ADAMTS2: variants seen among roughly 807,000 people sequenced by gnomAD.
The protein encoded by ADAMTS2 is ADAM metallopeptidase with thrombospondin type 1 motif 2, also known as A disintegrin and metalloproteinase with thrombospondin motifs 2.
A neutral mutation model predicts 123.0 loss-of-function variants in ADAMTS2; 50 were observed. The ratio of observed to expected loss-of-function variants is 0.41; its 90% CI spans 0.32 to 0.51. The LOEUF (loss-of-function observed/expected upper bound fraction) is 0.51, where lower values mean the gene tolerates loss of function less well. Among genes scored for constraint, ADAMTS2 ranks in the 20% least tolerant of loss-of-function variants. The pLI, the probability that ADAMTS2 is intolerant of heterozygous loss-of-function variation, is 0.35. For synonymous variants in ADAMTS2, 678 were observed against 695.4 expected, an observed-to-expected ratio of 0.98 and a Z score of 0.39; for missense variants, 1,494 against 1,705.2, an observed-to-expected ratio of 0.88 and a Z score of 2.18.
rs932492863 is a variant in ADAMTS2 at position 179,314,373 on chromosome 5, C to T, written c.534+29394G>A. ...GGCCGCCAGCTCTGAGCTAAGTGAG[C>T]GCAGAGGAGAGTGCAGGGAGCGGCA... On this transcript the variant is annotated intron_variant, in intron 2 of 21. Coordinates refer to ENST00000251582, the MANE Select transcript of ADAMTS2 (RefSeq NM_014244.5). The surrounding 1 kb of genome is among the most constrained non-coding windows in gnomAD (Gnocchi z 4.5). 5.3e-5 allele frequency among the ~76,000 whole-genome samples: 8 copies of T among 152,218 alleles called. No individual in the cohort carries two copies. The South Asian group carries it at 1.0e-3, about 20-fold the overall frequency.
Position 179,124,831 on chromosome 5 carries a change from G to A in ADAMTS2, c.2958+142C>T, listed in dbSNP as rs1440009393. 12 of 1,600,334 alleles carry A rather than the reference G, an allele frequency of 7.5e-6. No individual in the cohort carries two copies. The African/African-American group carries it at 1.3e-4, about 18-fold the overall frequency. On this transcript the variant is annotated intron_variant, in intron 19 of 21. Transcript: ENST00000251582. ...CTGCTGCAGGCCCGGCGGCTCTCAG[G>A]CCGGGCGTCATTGCAGTGCTTGGCA... is the stretch of plus-strand genomic sequence containing the variant.
At chr5:179,333,784 G>A (rs184663747) in intron 2 of ADAMTS2, among the ~76,000 whole-genome samples, 132 of 152,112 alleles carry the variant, frequency 8.7e-4, no homozygotes, top group African/African-American at 2.9e-3. Context: ...ATTTTTAATG[G>A]AGATGGGGTT....
At chr5:179,204,108 T>A (rs1034950318) in intron 4 of ADAMTS2, among the ~76,000 whole-genome samples, 3 of 152,270 alleles carry the variant, frequency 2.0e-5, no homozygotes, top group Non-Finnish European at 4.4e-5. Context: ...GGACAATTAT[T>A]GTTTGATCCA....
rs932460346 is a variant in ADAMTS2, at chr5:179,314,448, C to T, written c.534+29319G>A. 2.0e-5 allele frequency among the ~76,000 whole-genome samples: 3 copies of T among 150,156 alleles called. No individual in the cohort carries two copies. The highest frequency in any genetic ancestry group is 4.4e-5 in the Non-Finnish European group (3 of 67,924). Reference sequence around the variant, plus strand: ...GGCGTGGCGTGGCGTGGCCGGAATACTCAGTTTTCCCTGCTTTTTGAGACA... The same window carrying T: ...GGCGTGGCGTGGCGTGGCCGGAATATTCAGTTTTCCCTGCTTTTTGAGACA... On this transcript the variant is annotated intron_variant, in intron 2 of 21. Coordinates refer to ENST00000251582, the MANE Select transcript of ADAMTS2 (RefSeq NM_014244.5). The surrounding 1 kb of genome is among the most constrained non-coding windows in gnomAD (Gnocchi z 4.5).
chr5:179,299,546 C>CACACACACACAA (rs1756451489), intron 2 of ADAMTS2, among the ~76,000 whole-genome samples: 1 of 150,022 alleles, frequency 6.7e-6, no homozygotes, highest in South Asian at 2.1e-4. Flanking sequence ...CACACACACA[C>CACACACACACAA]ACACACACAC....
rs1195193418 is a variant in ADAMTS2, at chr5:179,181,133, T to G, written c.914A>C (p.Glu305Ala). 1 of 1,613,866 alleles carries G rather than the reference T, an allele frequency of 6.2e-7. No homozygotes were observed. The highest frequency in any genetic ancestry group is 1.7e-5 in the Admixed American group (1 of 60,028). The change falls in exon 5 of 22, where the codon GAG becomes GCG. Residue 305 changes from glutamate to alanine, a missense_variant. Glu to Ala is a moderately radical substitution (Grantham distance 107, BLOSUM62 -1). Around this residue, in one of 6 missense-constraint regions of ADAMTS2, gnomAD observed 70 missense variants for 85.3 expected, o/e 0.82. Coordinates refer to ENST00000251582, the MANE Select transcript of ADAMTS2 (RefSeq NM_014244.5). This position sits in a 1 kb window ranked among gnomAD's most constrained non-coding sequence, Gnocchi z 4.1. The stretch of plus-strand genomic sequence containing the variant: ...CACGTTGATGTGGGCACCCAAGGAC[T>G]CGTCATGGTAGATTTCATTGACCTG... The part of the protein sequence containing the change: ...MNIVNEIYHD[E>A]SLGAHINVVL...
In ADAMTS2 at chr5:179,118,258, C is replaced by A. The variant is rs1381098096; in HGVS notation, c.3178+3403G>T. Among the ~76,000 whole-genome samples the A allele has an allele frequency of 2.6e-5, 4 of 152,082 alleles. No individual in the cohort carries two copies. On this transcript the variant is annotated intron_variant, in intron 21 of 21. Coordinates refer to ENST00000251582, the MANE Select transcript of ADAMTS2 (RefSeq NM_014244.5). The surrounding 1 kb of genome is among the most constrained non-coding windows in gnomAD (Gnocchi z 4.5). ...AGAAAAATTTCAAAGTCATCATGAC[C>A]AACTGATCTTAAAGATGCCCCAGGT...
chr5:179,244,968 T>A (rs1204157996), intron 3 of ADAMTS2, among the ~76,000 whole-genome samples: 1 of 152,232 alleles, frequency 6.6e-6, no homozygotes, highest in East Asian at 1.9e-4. Context: ...TAGGCAGAAC[T>A]GTGGCCCTCC....
chr5:179,122,102 G>C (rs940816242), intron 20 of ADAMTS2, among the ~76,000 whole-genome samples: 1 of 152,158 alleles, frequency 6.6e-6, no homozygotes, highest in Non-Finnish European at 1.5e-5. Flanking sequence ...GACAGAGAGT[G>C]CCAGGGGAAT....
chr5:179,114,383 C>T, intron 21 of ADAMTS2, 59 bp from the exon 22 acceptor site: 1 of 1,535,642 alleles, frequency 6.5e-7, no homozygotes, highest in Non-Finnish European at 8.9e-7. Context: ...CTTTGTTCCC[C>T]CACAGGGTGC....
intron 3 of ADAMTS2, among the ~76,000 whole-genome samples, chr5:179,209,750 G>A (rs1035865344): frequency 2.6e-5 from 4 of 152,222 alleles, no homozygotes; most frequent in Admixed American, 6.5e-5. Context: ...CAGAGGAAGC[G>A]CCAGCAACTC....
At chr5:179,173,331 G>C (rs554942017) in intron 5 of ADAMTS2, among the ~76,000 whole-genome samples, 1 of 152,058 alleles carries the variant, frequency 6.6e-6, no homozygotes, top group Non-Finnish European at 1.5e-5. Flanking sequence ...ACTGCCCACA[G>C]AGAAATCCTG....
intron 20 of ADAMTS2, 70 bp from the exon 21 acceptor site, chr5:179,121,820 T>C: frequency 9.1e-7 from 1 of 1,103,368 alleles, no homozygotes; most frequent in Non-Finnish European, 1.3e-6. Context: ...GCAGAGAGGC[T>C]CCGGGTCTCC....
rs933991862 is a variant in ADAMTS2, at chr5:179,308,326, C to T, written c.535-35262G>A. Among the ~76,000 whole-genome samples the T allele has an allele frequency of 6.6e-6, 1 of 152,168 alleles. No individual in the cohort carries two copies. The highest frequency in any genetic ancestry group is 1.9e-4 in the East Asian group (1 of 5,186). On this transcript the variant is annotated intron_variant, in intron 2 of 21. Coordinates refer to ENST00000251582, the MANE Select transcript of ADAMTS2 (RefSeq NM_014244.5). The surrounding 1 kb of genome is among the most constrained non-coding windows in gnomAD (Gnocchi z 6.6). ...TCACCAGGACCATCTGACAAATGAC[C>T]GCCTTGGGGATCCGTGGAGCTCAGC...
At chr5:179,250,743 C>A (rs980225834) in intron 3 of ADAMTS2, among the ~76,000 whole-genome samples, 1 of 152,186 alleles carries the variant, frequency 6.6e-6, no homozygotes, top group African/African-American at 2.4e-5. Context: ...AGAAGGGGAG[C>A]AAGTAGTTGG....
intron 4 of ADAMTS2, among the ~76,000 whole-genome samples, chr5:179,203,916 A>T (rs1033588937): frequency 9.9e-5 from 15 of 152,202 alleles, no homozygotes; most frequent in African/African-American, 3.6e-4. Flanking sequence ...CGGCAGCACT[A>T]TTCACAGTAG....
rs1764757458 is a variant in ADAMTS2, at chr5:179,208,141, C to T, written c.689-426G>A. 2.9e-5 allele frequency among the ~76,000 whole-genome samples: 3 copies of T among 101,704 alleles called. 1 individual carries two copies. The highest frequency in any genetic ancestry group is 5.5e-5 in the Non-Finnish European group (2 of 36,628). The allele number at this position is 101,704 out of a possible 152,430, so 66.7% of individuals were successfully genotyped here. A position where few individuals can be genotyped will look rare whatever the true frequency, so the allele number is the denominator to read the frequency against. On this transcript the variant is annotated intron_variant, in intron 3 of 21. Transcript: ENST00000251582. Reference sequence around the variant, plus strand: ...CTGCCTGACGCTGGAGTGGGCAGAGCCACCCCTTGCCCACACTGCCCGATG... The same window carrying T: ...CTGCCTGACGCTGGAGTGGGCAGAGTCACCCCTTGCCCACACTGCCCGATG...
rs1765086642 is a variant in ADAMTS2 at position 179,219,955 on chromosome 5, AGGCTG to A, written c.689-12245_689-12241del. 3.3e-5 allele frequency among the ~76,000 whole-genome samples: 5 copies of A among 152,106 alleles called. No homozygotes were observed. In the South Asian group the frequency reaches 8.3e-4, roughly 25 times the overall value. On this transcript the variant is annotated intron_variant, in intron 3 of 21. Coordinates refer to ENST00000251582, the MANE Select transcript of ADAMTS2 (RefSeq NM_014244.5). ...TTCACGGGGGTCTCGGGGCCTTCAG[AGGCTG>A]GGGCGGGTGACAAGAGCCAGCAAGC... is the stretch of plus-strand genomic sequence containing the variant.
intron 4 of ADAMTS2, among the ~76,000 whole-genome samples, chr5:179,191,154 C>A (rs995812424): frequency 6.6e-6 from 1 of 152,236 alleles, no homozygotes; most frequent in South Asian, 2.1e-4. Flanking sequence ...CCCAGTGTCC[C>A]CCAGGGGCCT....
Sources: gnomAD v4.1 joint callset for allele counts (sites outside exome capture counted in the v4.1 genomes callset) on GRCh38, gnomAD v4.1.1 for gene constraint, gnomAD v4.1.1 regional missense constraint, Gnocchi (gnomAD v3.1) non-coding constraint, MANE v1.5 for transcripts, NCBI Gene and HGNC (gene_info 2026-07-23, HGNC 2026-07-21) for gene names.